Variants in ZFHX3 observed in about 807,000 individuals in gnomAD.
ZFHX3 encodes the protein zinc finger homeobox protein 3.
In ZFHX3, 42 loss-of-function variants were observed where a neutral mutation model predicts 279.1. That is an observed-to-expected ratio of 0.15 (90% CI 0.12 to 0.19). ZFHX3 has a LOEUF of 0.19. ZFHX3 is among the 10% of genes least tolerant of loss of function. The pLI is 1.00. For missense variants in ZFHX3, 4,981 were observed against 4,754.0 expected (o/e 1.05, Z -1.40); for synonymous variants, 2,293 against 1,957.8 (o/e 1.17, Z -4.52).
chr16:73,805,728 C>T (rs1179256640), intron 1 of ZFHX3, among the ~76,000 whole-genome samples: 4 of 152,166 alleles, frequency 2.6e-5, no homozygotes, highest in Non-Finnish European at 5.9e-5. Context: ...CCTTCTAGAG[C>T]TTGTATTCTA....
chr16:73,638,106 G>C (rs1411880413), intron 2 of ZFHX3, among the ~76,000 whole-genome samples: 1 of 152,152 alleles, frequency 6.6e-6, no homozygotes, highest in Non-Finnish European at 1.5e-5. Context: ...CCTGAGGGCA[G>C]TGTAGCCATA....
chr16:73,442,690 T>C (rs2018115459), intron 3 of ZFHX3, among the ~76,000 whole-genome samples: 2 of 152,190 alleles, frequency 1.3e-5, no homozygotes, highest in African/African-American at 4.8e-5. Flanking sequence ...CTCAGGGCCA[T>C]GCCCCTCTTC....
intron 2 of ZFHX3, among the ~76,000 whole-genome samples, chr16:73,589,855 A>C (rs1387011578): frequency 1.3e-5 from 2 of 151,988 alleles, no homozygotes; most frequent in East Asian, 3.9e-4. Flanking sequence ...ATGCCTGAAC[A>C]CTGAAAGTAA....
chr16:72,943,430 G>C (rs1831614125), intron 3 of ZFHX3, among the ~76,000 whole-genome samples: 1 of 152,158 alleles, frequency 6.6e-6, no homozygotes, highest in African/African-American at 2.4e-5. Flanking sequence ...CTACTCAGGA[G>C]GGTGAGGCAT....
chr16:72,806,789 G>A (rs754649136), intron 7 of ZFHX3, among the ~76,000 whole-genome samples: 1 of 152,006 alleles, frequency 6.6e-6, no homozygotes, highest in Non-Finnish European at 1.5e-5. Flanking sequence ...GCATGGAAGG[G>A]AAACTGTGCA....
intron 7 of ZFHX3, among the ~76,000 whole-genome samples, chr16:73,096,177 C>T (rs1164667486): frequency 6.6e-6 from 1 of 152,066 alleles, no homozygotes; most frequent in African/African-American, 2.4e-5. Flanking sequence ...TGCCTGCCTG[C>T]CTGCTCCGGC....
At chr16:73,578,869 A>G (rs1436194858) in intron 2 of ZFHX3, among the ~76,000 whole-genome samples, 1 of 152,200 alleles carries the variant, frequency 6.6e-6, no homozygotes, top group Non-Finnish European at 1.5e-5. Context: ...AAACCAAAAA[A>G]CAAAATTCTA....
intron 4 of ZFHX3, among the ~76,000 whole-genome samples, chr16:73,312,087 G>T (rs79841713): frequency 0.071 from 10,863 of 152,238 alleles, 516 homozygotes; most frequent in Middle Eastern, 0.17. Context: ...TTGAAAACCT[G>T]GAGTAGGTCC....
At chr16:73,394,668 A>G (rs2017091085) in intron 3 of ZFHX3, among the ~76,000 whole-genome samples, 1 of 152,238 alleles carries the variant, frequency 6.6e-6, no homozygotes, top group Admixed American at 6.5e-5. Context: ...GTAATGGTAC[A>G]GAAAACCCTA....
At chr16:73,721,705 G>A (rs995485768) in intron 1 of ZFHX3, among the ~76,000 whole-genome samples, 1 of 152,132 alleles carries the variant, frequency 6.6e-6, no homozygotes, top group Non-Finnish European at 1.5e-5. Context: ...CTCAACTCTG[G>A]AATCTGTTCA....
At chr16:73,621,749 A>C in intron 2 of ZFHX3, among the ~76,000 whole-genome samples, 1 of 152,238 alleles carries the variant, frequency 6.6e-6, no homozygotes, top group East Asian at 1.9e-4. Context: ...GGTAATGCCA[A>C]GAGAGAGAAA....
In ZFHX3 at chr16:73,080,831, T is replaced by C. The variant is rs536964345; in HGVS notation, c.-533+12404A>G. ...CCTGGCCTCAAGCAATCCTCCCGCC[T>C]TGGCCTCCCAAAGTGCTGGGATTTC... On this transcript the variant is annotated intron_variant, in intron 8 of 17. Coordinates refer to the ZFHX3 transcript ENST00000641206. Among the ~76,000 whole-genome samples the C allele has an allele frequency of 2.6e-5, 4 of 152,302 alleles. No homozygotes were observed. The East Asian group carries it at 7.7e-4, about 29-fold the overall frequency.
At chr16:72,906,205 GC>G (rs989423893) in intron 3 of ZFHX3, among the ~76,000 whole-genome samples, 1 of 151,888 alleles carries the variant, frequency 6.6e-6, no homozygotes, top group African/African-American at 2.4e-5. Context: ...TGGAAGGCCG[GC>G]CCGGGAAAAC....
At chr16:73,861,768 T>A (rs1961886505) in intron 1 of ZFHX3, among the ~76,000 whole-genome samples, 1 of 152,142 alleles carries the variant, frequency 6.6e-6, no homozygotes, top group Non-Finnish European at 1.5e-5. Context: ...TACACAGAAA[T>A]AGAATTAATC....
chr16:73,568,531 C>T (rs938655496), intron 2 of ZFHX3, among the ~76,000 whole-genome samples: 3 of 152,128 alleles, frequency 2.0e-5, no homozygotes, highest in Admixed American at 6.6e-5. Flanking sequence ...AAAATCAACC[C>T]GTTGACTGAT....
intron 5 of ZFHX3, among the ~76,000 whole-genome samples, chr16:73,215,031 A>G (rs1223739634): frequency 6.6e-6 from 1 of 152,072 alleles, no homozygotes; most frequent in Non-Finnish European, 1.5e-5. Context: ...GCAGGGGGCA[A>G]TTTAGTTCTT....
At chr16:73,105,432 TACACAC>T (rs35101079) in intron 7 of ZFHX3, among the ~76,000 whole-genome samples, 1 of 117,082 alleles carries the variant, frequency 8.5e-6, no homozygotes, top group African/African-American at 4.4e-5. Flanking sequence ...TATATATATA[TACACAC>T]ACACACATAT....
intron 1 of ZFHX3, among the ~76,000 whole-genome samples, chr16:73,742,739 C>T (rs1170719113): frequency 6.6e-6 from 1 of 152,180 alleles, no homozygotes; most frequent in Non-Finnish European, 1.5e-5. Context: ...AATCAGGGTT[C>T]CCCTTTTTTC....
chr16:73,572,565 G>A (rs1597005710), intron 2 of ZFHX3, among the ~76,000 whole-genome samples: 1 of 152,158 alleles, frequency 6.6e-6, no homozygotes, highest in Admixed American at 6.5e-5. Flanking sequence ...GTCTAATGTT[G>A]CTTGGTCCAC....
Sources: allele counts gnomAD v4.1 joint callset (sites outside exome capture counted in the v4.1 genomes callset), GRCh38; gene constraint gnomAD v4.1.1; transcripts MANE v1.5; gene names NCBI Gene and HGNC (gene_info 2026-07-23, HGNC 2026-07-21).